The following GRIN2B variants were observed in gnomAD, a reference collection of about 807,000 sequenced individuals.
The protein encoded by GRIN2B is glutamate ionotropic receptor NMDA type subunit 2B, also known as glutamate receptor ionotropic, NMDA 2B.
A neutral mutation model predicts 114.5 loss-of-function variants in GRIN2B; 5 were observed. That is an observed-to-expected ratio of 0.04 (90% CI 0.02 to 0.09). GRIN2B has a LOEUF of 0.09. Ranked by LOEUF, GRIN2B falls within the 10% of genes least tolerant of loss-of-function variation. The pLI is 1.00. For synonymous variants in GRIN2B, 787 were observed against 745.1 expected (o/e 1.06, Z -0.92); for missense variants, 1,108 against 1,943.5 (o/e 0.57, Z 8.08).
intron 5 of GRIN2B, among the ~76,000 whole-genome samples, chr12:13,659,524 CTTGAG>C (rs1949898861): frequency 6.6e-6 from 1 of 152,156 alleles, no homozygotes; most frequent in South Asian, 2.1e-4. Context: ...CCGATTGCTT[CTTGAG>C]TTAATTCAAA....
intron 3 of GRIN2B, among the ~76,000 whole-genome samples, chr12:13,779,970 T>C (rs558415630): frequency 6.6e-6 from 1 of 152,350 alleles, no homozygotes; most frequent in South Asian, 2.1e-4. Context: ...ATGATCATTA[T>C]TTTGCTATTT....
At chr12:13,795,568 C>G (rs150588461) in intron 3 of GRIN2B, among the ~76,000 whole-genome samples, 1 of 152,154 alleles carries the variant, frequency 6.6e-6, no homozygotes, top group Admixed American at 6.5e-5. Context: ...TTTGACCCAG[C>G]GATCCCATTA....
chr12:13,569,008 G>A (rs888226390), intron 12 of GRIN2B, among the ~76,000 whole-genome samples: 4 of 152,054 alleles, frequency 2.6e-5, no homozygotes, highest in African/African-American at 4.8e-5. Context: ...TTATTTCTCC[G>A]CCCTACCTCT....
intron 11 of GRIN2B, 29 bp from the exon 12 acceptor site, chr12:13,570,046 A>G (rs199832356): frequency 5.2e-6 from 8 of 1,528,842 alleles, no homozygotes; most frequent in African/African-American, 4.1e-5. Flanking sequence ...AACAAATCCA[A>G]TGGAGGAATT....
chr12:13,630,630 G>T (rs1949608365), intron 5 of GRIN2B, among the ~76,000 whole-genome samples: 2 of 152,110 alleles, frequency 1.3e-5, no homozygotes, highest in South Asian at 4.1e-4. Context: ...ACCAACACTA[G>T]ACCCACAAAT....
At chr12:13,645,705 A>C (rs1949755037) in intron 5 of GRIN2B, among the ~76,000 whole-genome samples, 1 of 148,926 alleles carries the variant, frequency 6.7e-6, no homozygotes, top group African/African-American at 2.5e-5. Flanking sequence ...CTAGTTTTTC[A>C]TTTTCTTTCC....
intron 5 of GRIN2B, among the ~76,000 whole-genome samples, chr12:13,660,576 G>T (rs1038747896): frequency 2.0e-5 from 3 of 152,166 alleles, no homozygotes; most frequent in African/African-American, 7.2e-5. Context: ...CACCACTGGG[G>T]ATCAGAGAAG....
chr12:13,948,368 G>C lies in GRIN2B; in HGVS notation c.-19+31560C>G, dbSNP rs138548293. 2.0e-5 allele frequency among the ~76,000 whole-genome samples: 3 copies of C among 152,302 alleles called. No individual in the cohort carries two copies. In the East Asian group the frequency reaches 5.8e-4, roughly 29 times the overall value. ...CAAACCTTTGTTAGCCCTCTGGGGG[G>C]ACTAAAGATGCTGAGATGTGTTCCT... is the stretch of plus-strand genomic sequence containing the variant. On this transcript the variant is annotated intron_variant, in intron 2 of 13. Transcript: ENST00000609686.
intron 10 of GRIN2B, among the ~76,000 whole-genome samples, chr12:13,581,663 A>G (rs1337825979): frequency 2.6e-5 from 4 of 152,124 alleles, no homozygotes; most frequent in Non-Finnish European, 5.9e-5. Flanking sequence ...TAATCCCAAC[A>G]CTTTGGGAAG....
chr12:13,845,776 C>T (rs1362676491), intron 3 of GRIN2B, among the ~76,000 whole-genome samples: 1 of 151,916 alleles, frequency 6.6e-6, no homozygotes, highest in Non-Finnish European at 1.5e-5. Context: ...ATAGAGTGTG[C>T]CTTATTAGGA....
At position 13,735,137 on chromosome 12, in the gene GRIN2B, G is replaced by T. The variant is rs149445383; in HGVS notation, c.1010+18180C>A. ...CATCAGAGATTTGTGAGGAAATTAGGTTTCTGCTCTAGATATCCAATTCTT... is the reference window on the plus strand; with the variant it reads ...CATCAGAGATTTGTGAGGAAATTAGTTTTCTGCTCTAGATATCCAATTCTT... On this transcript the variant is annotated intron_variant, in intron 4 of 13. Coordinates refer to ENST00000609686, the MANE Select transcript of GRIN2B (RefSeq NM_000834.5). 4.8e-3 allele frequency among the ~76,000 whole-genome samples: 725 copies of T among 152,252 alleles called. 9 individuals are homozygous for T. The highest frequency in any genetic ancestry group is 0.017 in the African/African-American group (706 of 41,564).
In GRIN2B at chr12:13,553,671, G is replaced by C. The variant is rs1171177378; in HGVS notation, c.*9112C>G. ...ACAAGGTTCTTTTGGTGCTGAAAGT[G>C]TTAAAAAAGAAGCTAAATATTGGAT... On this transcript the variant is annotated 3_prime_UTR_variant, in exon 14 of 14. Transcript: ENST00000609686. 1 of 152,158 alleles carries C rather than the reference G, an allele frequency of 6.6e-6. No individual in the cohort carries two copies. Among genetic ancestry groups the C allele is most frequent in the East Asian group, 1.9e-4 (1 of 5,188 alleles). The allele number at this position is 152,158 out of a possible 1,614,324, so 9.4% of individuals were successfully genotyped here. A position where few individuals can be genotyped will look rare whatever the true frequency, so the allele number is the denominator to read the frequency against.
intron 2 of GRIN2B, among the ~76,000 whole-genome samples, chr12:13,910,033 C>T (rs1360995780): frequency 6.6e-6 from 1 of 152,168 alleles, no homozygotes; most frequent in Non-Finnish European, 1.5e-5. Flanking sequence ...CAGGAATGGG[C>T]TTGACTATGT....
chr12:13,565,475 G>A (rs1427969605), intron 13 of GRIN2B, among the ~76,000 whole-genome samples: 1 of 151,930 alleles, frequency 6.6e-6, no homozygotes, highest in African/African-American at 2.4e-5. Context: ...AGTATTGATC[G>A]AGAGCTCCCT....
chr12:13,926,929 G>A (rs576462183), intron 2 of GRIN2B, among the ~76,000 whole-genome samples: 2 of 151,116 alleles, frequency 1.3e-5, no homozygotes, highest in Admixed American at 1.3e-4. Context: ...CTCCAGCCTG[G>A]GGACAGAGCG....
intron 10 of GRIN2B, among the ~76,000 whole-genome samples, chr12:13,604,807 A>G (rs1949215030): frequency 6.6e-6 from 1 of 152,212 alleles, no homozygotes; most frequent in African/African-American, 2.4e-5. Context: ...ATAACTGTCC[A>G]TGACACTGAT....
chr12:13,945,654 G>A (rs1372885466), intron 2 of GRIN2B, among the ~76,000 whole-genome samples: 1 of 152,126 alleles, frequency 6.6e-6, no homozygotes, highest in Non-Finnish European at 1.5e-5. Context: ...CAGTGAGATG[G>A]GCTGTATTAA....
chr12:13,636,180 ACT>A (rs1349027779), intron 5 of GRIN2B, among the ~76,000 whole-genome samples: 1 of 152,164 alleles, frequency 6.6e-6, no homozygotes, highest in Non-Finnish European at 1.5e-5. Flanking sequence ...CAGGCAGAAG[ACT>A]CTGCAAGGGC....
At chr12:13,947,252 T>C (rs1393971577) in intron 2 of GRIN2B, among the ~76,000 whole-genome samples, 1 of 152,184 alleles carries the variant, frequency 6.6e-6, no homozygotes, top group Non-Finnish European at 1.5e-5. Flanking sequence ...TAATAAACCA[T>C]GAGGTTGCAC....
Sources: gnomAD v4.1 joint callset for allele counts (sites outside exome capture counted in the v4.1 genomes callset) on GRCh38, gnomAD v4.1.1 for gene constraint, MANE v1.5 for transcripts, NCBI Gene and HGNC (gene_info 2026-07-23, HGNC 2026-07-21) for gene names.